The following MSR1 variants were observed in gnomAD, a reference collection of about 807,000 sequenced individuals.
The protein encoded by MSR1 is macrophage scavenger receptor 1.
Under a neutral mutation model 47.2 loss-of-function variants are expected in MSR1, and 53 were observed. That is an observed-to-expected ratio of 1.12 (90% CI 0.90 to 1.41). MSR1 has a LOEUF of 1.41. Among genes scored for constraint, MSR1 ranks in the 40% most tolerant of loss-of-function variants. The pLI is 0.00. For missense variants in MSR1, 786 were observed against 546.9 expected (o/e 1.44, Z -4.36); for synonymous variants, 239 against 185.6 (o/e 1.29, Z -2.34).
rs956849567 is a variant in MSR1 at position 16,129,474 on chromosome 8, C to T, written c.1034-8868G>A. On this transcript the variant is annotated intron_variant, in intron 8 of 9. Transcript: ENST00000262101. ...TTAAGATTCACCTCAGGTTGGGTGC[C>T]GTGGCTTATGTCTGTAACCCCAGCA... is the stretch of plus-strand genomic sequence containing the variant. Among the ~76,000 whole-genome samples, 5 of 151,940 alleles carry T rather than the reference C, an allele frequency of 3.3e-5. No individual in the cohort carries two copies. The East Asian group carries it at 5.8e-4, about 18-fold the overall frequency.
intron 3 of MSR1, among the ~76,000 whole-genome samples, chr8:16,172,273 T>C (rs188958880): frequency 6.6e-6 from 1 of 152,198 alleles, no homozygotes; most frequent in Admixed American, 6.5e-5. Context: ...ACTAAGGTCA[T>C]ATGACCAACT....
intron 9 of MSR1, 149 bp from the exon 10 acceptor site, chr8:16,110,367 A>T (rs957204431): frequency 3.1e-4 from 261 of 840,608 alleles, no homozygotes; most frequent in Non-Finnish European, 4.7e-4. Context: ...GTAGGAATCA[A>T]AAATTAATCT....
chr8:16,170,490 T>C (rs1298424553), intron 3 of MSR1, among the ~76,000 whole-genome samples: 4 of 152,198 alleles, frequency 2.6e-5, no homozygotes, highest in African/African-American at 7.2e-5. Flanking sequence ...TATCTACATG[T>C]ATGTTAGTCA....
intron 1 of MSR1, among the ~76,000 whole-genome samples, chr8:16,181,497 C>T (rs1446906000): frequency 6.6e-6 from 1 of 152,080 alleles, no homozygotes; most frequent in African/African-American, 2.4e-5. Context: ...ATGTCCTTTG[C>T]AGGGACATGG....
chr8:16,146,303 C>T (rs1453131408), intron 7 of MSR1, among the ~76,000 whole-genome samples: 1 of 151,946 alleles, frequency 6.6e-6, no homozygotes, highest in East Asian at 1.9e-4. Context: ...TTTCCTCTGT[C>T]TTCAGCCACT....
At chr8:16,192,178 T>C (rs1436515546) in intron 1 of MSR1, among the ~76,000 whole-genome samples, 2 of 152,068 alleles carry the variant, frequency 1.3e-5, no homozygotes, top group Non-Finnish European at 2.9e-5. Context: ...GGGAAGATAA[T>C]AAAAGGCATT....
intron 7 of MSR1, among the ~76,000 whole-genome samples, chr8:16,148,892 C>T (rs1305312037): frequency 1.3e-5 from 2 of 152,046 alleles, no homozygotes; most frequent in Non-Finnish European, 2.9e-5. Context: ...TATAGAGAAA[C>T]CTTACATTCA....
rs568890492 is a variant in MSR1 at position 16,190,359 on chromosome 8, A to G, written c.-5+2239T>C. Among the ~76,000 whole-genome samples, 8 of 152,326 alleles carry G rather than the reference A, an allele frequency of 5.3e-5. No homozygotes were observed. The South Asian group carries it at 1.7e-3, about 32-fold the overall frequency. On this transcript the variant is annotated intron_variant, in intron 1 of 9. Transcript: ENST00000262101. ...ATAAATTTATAAATATTCCAGACTT[A>G]TATGTGAATATGGCAGTTTCAAGCA... is the stretch of plus-strand genomic sequence containing the variant.
At position 16,168,870 on chromosome 8, in the gene MSR1, G is replaced by C. The variant is rs1801401152; in HGVS notation, c.218C>G (p.Ala73Gly). 4 of 1,611,654 alleles carry C rather than the reference G, an allele frequency of 2.5e-6. No individual in the cohort carries two copies. The highest frequency in any genetic ancestry group is 3.3e-5 in the Admixed American group (2 of 59,992). ...VLIPLIGIVA[A>G]QLLKWETKNC... ...CTTCGTTTCCCACTTCAGGAGTTGA[G>C]CTGTATATTTAAGTAAAAATAAACC... Residue 73 changes from alanine (A) to glycine (G), a missense_variant and splice_region_variant, in exon 4 of 10, where the codon GCT (alanine) becomes GGT (glycine). Transcript: ENST00000262101.
chr8:16,135,595 T>G (rs13254001), intron 8 of MSR1, among the ~76,000 whole-genome samples: 88,621 of 152,068 alleles, frequency 0.58, 30,971 homozygotes, highest in Non-Finnish European at 0.77. Context: ...AGCCCATGGA[T>G]CCAGGATTAA....
In MSR1 at chr8:16,155,072, C is replaced by T. The variant is rs760368617; in HGVS notation, c.890G>A (p.Gly297Asp). ...TGESGPRGFP[G>D]PIGPPGLKGD... Reference sequence around the variant, plus strand: ...AGCTAAAATTACCATACCTATTGGACCTGGAAATCCTCGTGGACCACTTTC... The same window carrying T: ...AGCTAAAATTACCATACCTATTGGATCTGGAAATCCTCGTGGACCACTTTC... The change falls in exon 6 of 10, where the codon GGT becomes GAT. Residue 297 changes from glycine to aspartate, a missense_variant. Physicochemically the swap from Gly to Asp is moderately conservative, Grantham distance 94 (BLOSUM62 -1). Coordinates refer to ENST00000262101, the MANE Select transcript of MSR1 (RefSeq NM_138715.3). The T allele has an allele frequency of 1.9e-6, 3 of 1,611,392 alleles. No individual in the cohort carries two copies. The highest frequency in any genetic ancestry group is 3.3e-5 in the Admixed American group (2 of 59,794).
chr8:16,115,934 C>A (rs1410146186), intron 9 of MSR1, among the ~76,000 whole-genome samples: 2 of 151,892 alleles, frequency 1.3e-5, no homozygotes, highest in Non-Finnish European at 2.9e-5. Flanking sequence ...GCTGCATTAA[C>A]CTGTGATTGT....
rs370888954 is a variant in MSR1, at chr8:16,168,458, C to T, written c.630G>A (p.Glu210=). The change falls in exon 4 of 10, where the codon GAG becomes GAA. Residue 210 remains glutamate (E), a splice_region_variant and synonymous_variant. Transcript: ENST00000262101. Reference sequence around the variant, plus strand: ...GACCTTGCAGTCCACAAACTCTTACCTCTTGTTGTTTGAAGGTATTCTCTT... The same window carrying T: ...GACCTTGCAGTCCACAAACTCTTACTTCTTGTTGTTTGAAGGTATTCTCTT... ...KIQENTFKQQ[E]EISKLEERVY... 3 of 1,613,926 alleles carry T rather than the reference C, an allele frequency of 1.9e-6. No homozygotes were observed. Among genetic ancestry groups the T allele is most frequent in the African/African-American group, 1.3e-5 (1 of 74,932 alleles).
rs1028307007 is a variant in MSR1 at position 16,168,571 on chromosome 8, T to C, written c.517A>G (p.Ile173Val). 9 of 1,614,166 alleles carry C rather than the reference T, an allele frequency of 5.6e-6. No individual in the cohort carries two copies. The highest frequency in any genetic ancestry group is 1.6e-4 in the Middle Eastern group (1 of 6,062). ...ATTAAGGACTTGGAGATTTCATCTA[T>C]TGCATTCCCATGTCCCTGGACTGAG... is the stretch of plus-strand genomic sequence containing the variant. ...FSSVQGHGNA[I>V]DEISKSLISL... is the part of the protein sequence containing the mutation. The change falls in exon 4 of 10, where the codon ATA becomes GTA. Residue 173 changes from isoleucine (I) to valine (V), a missense_variant. Physicochemically the swap from Ile to Val is conservative, Grantham distance 29. Transcript: ENST00000262101.
intron 8 of MSR1, among the ~76,000 whole-genome samples, chr8:16,122,903 G>T (rs1299858934): frequency 1.4e-5 from 2 of 144,970 alleles, no homozygotes; most frequent in African/African-American, 5.2e-5. Context: ...GGAGTGTAGT[G>T]GCGCGATCTC....
At chr8:16,147,556 T>TG (rs1800735048) in intron 7 of MSR1, among the ~76,000 whole-genome samples, 1 of 152,182 alleles carries the variant, frequency 6.6e-6, no homozygotes, top group African/African-American at 2.4e-5. Flanking sequence ...TATCACAAAT[T>TG]GGGGTCTTAG....
chr8:16,190,865 G>T (rs1802180385), intron 1 of MSR1, among the ~76,000 whole-genome samples: 3 of 151,980 alleles, frequency 2.0e-5, no homozygotes, highest in Admixed American at 2.0e-4. Context: ...GGGATTACAA[G>T]CATGCACCAC....
intron 8 of MSR1, among the ~76,000 whole-genome samples, chr8:16,131,583 T>C (rs765539840): frequency 1.3e-5 from 2 of 151,802 alleles, no homozygotes; most frequent in Non-Finnish European, 2.9e-5. Flanking sequence ...TGGTATTTCA[T>C]AGGTTATCTT....
At chr8:16,181,929 T>C (rs144721844) in intron 1 of MSR1, among the ~76,000 whole-genome samples, 4 of 152,316 alleles carry the variant, frequency 2.6e-5, no homozygotes, top group African/African-American at 9.6e-5. Flanking sequence ...ATACCTGGTA[T>C]GTATAGACAT....
Sources: gnomAD v4.1 joint callset for allele counts (sites outside exome capture counted in the v4.1 genomes callset) on GRCh38, gnomAD v4.1.1 for gene constraint, MANE v1.5 for transcripts, NCBI Gene and HGNC (gene_info 2026-07-23, HGNC 2026-07-21) for gene names.